The following SDHB variants were observed in gnomAD, a reference collection of about 807,000 sequenced individuals.
SDHB encodes succinate dehydrogenase [ubiquinone] iron-sulfur subunit, mitochondrial.
Under a neutral mutation model 39.7 loss-of-function variants are expected in SDHB, and 21 were observed. That is an observed-to-expected ratio of 0.53 (90% CI 0.37 to 0.76). The LOEUF (loss-of-function observed/expected upper bound fraction) is 0.76, where lower values mean the gene tolerates loss of function less well. SDHB is among the 30% of genes least tolerant of loss of function. SDHB has a pLI of 0.00. For synonymous variants in SDHB, 118 were observed against 117.0 expected, an observed-to-expected ratio of 1.01 and a Z score of -0.06; for missense variants, 343 against 350.9, an observed-to-expected ratio of 0.98 and a Z score of 0.18.
intron 2 of SDHB, among the ~76,000 whole-genome samples, chr1:17,043,911 A>G (rs77217396): frequency 6.6e-6 from 1 of 152,360 alleles, no homozygotes; most frequent in East Asian, 1.9e-4. Flanking sequence ...TCTAGGCTCC[A>G]GAAAGGAATG....
chr1:17,020,337 C>T (rs1414470693), intron 7 of SDHB, among the ~76,000 whole-genome samples: 2 of 152,226 alleles, frequency 1.3e-5, no homozygotes, highest in African/African-American at 4.8e-5. Context: ...TGGGGCGAGT[C>T]ACTCCCCTCC....
In SDHB at chr1:17,028,743, G is replaced by C. The variant is rs542180633; in HGVS notation, c.287-7C>G. ...GCACAAGAGCCACAGATGCCTGAAAGAGACACACATTTAACACATCCTCAC... is the reference window on the plus strand; with the variant it reads ...GCACAAGAGCCACAGATGCCTGAAACAGACACACATTTAACACATCCTCAC... On this transcript the variant is annotated splice_region_variant and splice_polypyrimidine_tract_variant and intron_variant, in intron 3 of 7. Transcript: ENST00000375499. 8 of 1,613,760 alleles carry C rather than the reference G, an allele frequency of 5.0e-6. No individual in the cohort carries two copies. In the South Asian group the frequency reaches 8.8e-5, roughly 18 times the overall value.
At chr1:17,053,198 G>A (rs1369077008) in intron 1 of SDHB, among the ~76,000 whole-genome samples, 1 of 152,172 alleles carries the variant, frequency 6.6e-6, no homozygotes, top group African/African-American at 2.4e-5. Flanking sequence ...CAAGGGGCGT[G>A]GGAAAATCTG....
chr1:17,032,343 ACG>A (rs35846145), intron 3 of SDHB, among the ~76,000 whole-genome samples: 38,601 of 151,156 alleles, frequency 0.26, 6,554 homozygotes, highest in African/African-American at 0.49. Context: ...GTCCGCTATC[ACG>A]CCCGGCTAAT....
At position 17,021,395 on chromosome 1, in the gene SDHB, T is replaced by C. The variant is rs901051460; in HGVS notation, c.765+1213A>G. 3.1e-4 allele frequency among the ~76,000 whole-genome samples: 47 copies of C among 151,994 alleles called. 1 individual carries two copies. Among genetic ancestry groups the C allele is most frequent in the African/African-American group, 1.1e-3 (45 of 41,434 alleles). ...AGTTCCAGGCTGCAGTGAGCTATGA[T>C]TGCGCCACTGCACCCCAGCCTGGGC... On this transcript the variant is annotated intron_variant, in intron 7 of 7. Coordinates refer to ENST00000375499, the MANE Select transcript of SDHB (RefSeq NM_003000.3).
intron 4 of SDHB, among the ~76,000 whole-genome samples, chr1:17,028,134 G>T (rs1355143682): frequency 6.6e-6 from 1 of 152,162 alleles, no homozygotes; most frequent in Admixed American, 6.5e-5. Flanking sequence ...AAAACACCAC[G>T]TCAGCAAAGG....
intron 7 of SDHB, among the ~76,000 whole-genome samples, chr1:17,022,355 C>T (rs2077966534): frequency 6.6e-6 from 1 of 152,154 alleles, no homozygotes; most frequent in African/African-American, 2.4e-5. Flanking sequence ...GGTTCCTGTG[C>T]ATCCTTAACT....
At chr1:17,021,107 A>T (rs1326344303) in intron 7 of SDHB, among the ~76,000 whole-genome samples, 3 of 152,216 alleles carry the variant, frequency 2.0e-5, no homozygotes, top group Non-Finnish European at 4.4e-5. Context: ...GGCAAGGCTG[A>T]CTGGACCAGG....
intron 1 of SDHB, among the ~76,000 whole-genome samples, chr1:17,048,331 T>A (rs2078125021): frequency 6.6e-6 from 1 of 152,232 alleles, no homozygotes; most frequent in African/African-American, 2.4e-5. Context: ...TTTTTTCTTG[T>A]TATAGCTGAG....
intron 1 of SDHB, among the ~76,000 whole-genome samples, chr1:17,050,335 A>C (rs2078139065): frequency 1.3e-5 from 2 of 151,894 alleles, no homozygotes; most frequent in African/African-American, 4.8e-5. Context: ...CAACTAATTT[A>C]AATTTGTTTT....
chr1:17,046,477 G>A (rs1429571738), intron 1 of SDHB, among the ~76,000 whole-genome samples: 3 of 152,044 alleles, frequency 2.0e-5, no homozygotes, highest in African/African-American at 7.2e-5. Context: ...AATTACAACA[G>A]AGTATTTCCA....
intron 6 of SDHB, 38 bp from the exon 7 acceptor site, chr1:17,022,768 A>G (rs1233212851): frequency 1.3e-5 from 21 of 1,603,636 alleles, no homozygotes; most frequent in Non-Finnish European, 1.8e-5. Context: ...CTGCCAATCA[A>G]CAGGCCAGAG....
At chr1:17,022,580 A>T (rs749542793) in intron 7 of SDHB, 28 bp downstream of exon 7, 3 of 1,612,876 alleles carry the variant, frequency 1.9e-6, no homozygotes, top group African/African-American at 2.7e-5. Context: ...GCTCTGAGGC[A>T]GAGCTGAGGG....
At chr1:17,031,326 G>T (rs893123680) in intron 3 of SDHB, among the ~76,000 whole-genome samples, 1 of 151,802 alleles carries the variant, frequency 6.6e-6, no homozygotes, top group African/African-American at 2.4e-5. Flanking sequence ...TCTCAAAAAG[G>T]CTCCCTGGGA....
intron 5 of SDHB, among the ~76,000 whole-genome samples, chr1:17,025,115 T>A (rs1195941266): frequency 6.6e-6 from 1 of 152,230 alleles, no homozygotes; most frequent in Non-Finnish European, 1.5e-5. Flanking sequence ...TCATCTAGCC[T>A]TATTTCTAAC....
chr1:17,020,260 A>G (rs1255792627), intron 7 of SDHB, among the ~76,000 whole-genome samples: 1 of 152,206 alleles, frequency 6.6e-6, no homozygotes, highest in Non-Finnish European at 1.5e-5. Context: ...GCAGGAAGAA[A>G]GAGCACTGGA....
intron 1 of SDHB, 171 bp from the exon 2 acceptor site, chr1:17,045,059 T>C (rs1175712679): frequency 4.8e-6 from 3 of 628,196 alleles, no homozygotes; most frequent in African/African-American, 1.8e-5. Context: ...GCACCTATCA[T>C]ATGCTAATAT....
intron 1 of SDHB, among the ~76,000 whole-genome samples, chr1:17,048,544 G>GT (rs1371594036): frequency 2.0e-5 from 3 of 151,944 alleles, no homozygotes; most frequent in East Asian, 1.9e-4. Flanking sequence ...TACAAGTTTA[G>GT]TTTTTTTTAA....
chr1:17,024,722 T>C (rs1465439605), intron 5 of SDHB, among the ~76,000 whole-genome samples: 1 of 152,220 alleles, frequency 6.6e-6, no homozygotes, highest in African/African-American at 2.4e-5. Context: ...CCCCGGCAGC[T>C]GGCTCTGGCT....
Sources: allele counts gnomAD v4.1 joint callset (sites outside exome capture counted in the v4.1 genomes callset), GRCh38; gene constraint gnomAD v4.1.1; transcripts MANE v1.5; gene names NCBI Gene and HGNC (gene_info 2026-07-23, HGNC 2026-07-21).